SUPT3H: variants seen among roughly 807,000 people sequenced by gnomAD.
SUPT3H encodes transcription initiation protein SPT3 homolog.
In SUPT3H, 44 loss-of-function variants were observed where a neutral mutation model predicts 44.3. The observed-to-expected ratio is 0.99, with a 90% CI of 0.78 to 1.28. The LOEUF (loss-of-function observed/expected upper bound fraction) is 1.28, where lower values mean the gene tolerates loss of function less well. SUPT3H is among the 50% of genes most tolerant of loss of function. SUPT3H has a pLI of 0.00. For missense variants in SUPT3H, 380 were observed against 387.1 expected, an observed-to-expected ratio of 0.98 and a Z score of 0.15; for synonymous variants, 124 against 125.6, an observed-to-expected ratio of 0.99 and a Z score of 0.09.
chr6:44,998,842 G>C (rs1483175712), intron 6 of SUPT3H, among the ~76,000 whole-genome samples: 2 of 151,500 alleles, frequency 1.3e-5, no homozygotes, highest in Non-Finnish European at 2.9e-5. Flanking sequence ...TGAATGTTTG[G>C]TTTATTTTCA....
chr6:44,991,357 C>A (rs553626151), intron 6 of SUPT3H, among the ~76,000 whole-genome samples: 1 of 152,080 alleles, frequency 6.6e-6, no homozygotes, highest in South Asian at 2.1e-4. Context: ...GGAATTAAGA[C>A]TGCTCTCTAG....
At chr6:45,110,917 T>C (rs1488777141) in intron 2 of SUPT3H, among the ~76,000 whole-genome samples, 1 of 152,086 alleles carries the variant, frequency 6.6e-6, no homozygotes, top group African/African-American at 2.4e-5. Context: ...GTAATGTGTG[T>C]ACATATGTGT....
intron 3 of SUPT3H, among the ~76,000 whole-genome samples, chr6:45,038,965 A>C (rs1788103278): frequency 6.6e-6 from 1 of 152,148 alleles, no homozygotes; most frequent in Non-Finnish European, 1.5e-5. Flanking sequence ...ATCATCAGAT[A>C]TTTCCAGGGA....
At chr6:44,839,364 G>A (rs1465049834) in intron 10 of SUPT3H, among the ~76,000 whole-genome samples, 1 of 151,426 alleles carries the variant, frequency 6.6e-6, no homozygotes, top group African/African-American at 2.4e-5. Context: ...AGAGTGATGT[G>A]GTGTGATCAT....
In SUPT3H at chr6:44,828,278, A is replaced by C. The variant is rs1200443426; in HGVS notation, c.*1538T>G. ...AAGAATGATAAAAAGTTTAATCATA[A>C]TCATACATTTTAACAAGCATAGATG... is the stretch of plus-strand genomic sequence containing the variant. On this transcript the variant is annotated 3_prime_UTR_variant, in exon 11 of 11. Transcript: ENST00000371459. Among the ~76,000 whole-genome samples, 28 of 149,006 alleles carry C rather than the reference A, an allele frequency of 1.9e-4. No homozygotes were observed. The highest frequency in any genetic ancestry group is 1.8e-3 in the Admixed American group (27 of 14,922).
At chr6:44,869,329 T>G (rs1364333344) in intron 10 of SUPT3H, among the ~76,000 whole-genome samples, 1 of 152,146 alleles carries the variant, frequency 6.6e-6, no homozygotes, top group Non-Finnish European at 1.5e-5. Flanking sequence ...CCTTGGGAGT[T>G]CATTTCAAGG....
chr6:45,367,600 A>G (rs1227916252), intron 1 of SUPT3H, among the ~76,000 whole-genome samples: 1 of 152,166 alleles, frequency 6.6e-6, no homozygotes, highest in Non-Finnish European at 1.5e-5. Context: ...CCTTGTCTCA[A>G]TAGAAGGCTG....
chr6:45,240,887 C>T (rs1770174724), intron 2 of SUPT3H, among the ~76,000 whole-genome samples: 1 of 152,150 alleles, frequency 6.6e-6, no homozygotes, highest in Non-Finnish European at 1.5e-5. Flanking sequence ...GAAGGACACT[C>T]TACAAACTTG....
chr6:45,056,712 T>C (rs942883551), intron 3 of SUPT3H, among the ~76,000 whole-genome samples: 1 of 151,976 alleles, frequency 6.6e-6, no homozygotes, highest in South Asian at 2.1e-4. Flanking sequence ...AAGGCTGGGA[T>C]GGGGTGAGGG....
intron 6 of SUPT3H, among the ~76,000 whole-genome samples, chr6:44,976,795 G>C (rs776905705): frequency 6.6e-6 from 1 of 152,182 alleles, no homozygotes; most frequent in Non-Finnish European, 1.5e-5. Context: ...CTTTTCTCTT[G>C]AAGAAGGCTT....
At chr6:45,358,775 G>A (rs1240591745) in intron 2 of SUPT3H, among the ~76,000 whole-genome samples, 2 of 152,108 alleles carry the variant, frequency 1.3e-5, no homozygotes, top group African/African-American at 4.8e-5. Context: ...TTTCAGCAGA[G>A]TCTAGAGAAG....
chr6:45,276,917 C>T (rs1030138460), intron 2 of SUPT3H, among the ~76,000 whole-genome samples: 1 of 152,154 alleles, frequency 6.6e-6, no homozygotes, highest in Non-Finnish European at 1.5e-5. Context: ...CTATATACTA[C>T]TTAGGACACT....
At chr6:45,122,354 A>T (rs1801801810) in intron 2 of SUPT3H, among the ~76,000 whole-genome samples, 1 of 152,192 alleles carries the variant, frequency 6.6e-6, no homozygotes, top group Non-Finnish European at 1.5e-5. Context: ...TTAAAATCAC[A>T]CATACTTTAT....
intron 3 of SUPT3H, among the ~76,000 whole-genome samples, chr6:45,053,257 C>T (rs1287732217): frequency 1.3e-5 from 2 of 150,948 alleles, no homozygotes; most frequent in South Asian, 2.1e-4. Context: ...CACAATGTTG[C>T]CCAGGCTGGT....
intron 2 of SUPT3H, among the ~76,000 whole-genome samples, chr6:45,113,698 C>T (rs7743772): frequency 0.075 from 11,400 of 151,920 alleles, 859 homozygotes; most frequent in African/African-American, 0.18. Context: ...GGCATGGTGG[C>T]GCATGCCTGT....
chr6:45,324,404 A>C (rs190890382), intron 2 of SUPT3H, among the ~76,000 whole-genome samples: 72 of 152,198 alleles, frequency 4.7e-4, no homozygotes, highest in African/African-American at 1.6e-3. Context: ...ACATATTAGA[A>C]TATAACAATT....
In SUPT3H at chr6:44,897,305, T is replaced by C. The variant is rs527414249; in HGVS notation, c.912+35348A>G. Among the ~76,000 whole-genome samples the C allele has an allele frequency of 6.0e-4, 91 of 152,362 alleles. 1 individual carries two copies. Among genetic ancestry groups the C allele is most frequent in the African/African-American group, 1.8e-3 (75 of 41,584 alleles). On this transcript the variant is annotated intron_variant, in intron 10 of 10. Coordinates refer to ENST00000371459, the MANE Select transcript of SUPT3H (RefSeq NM_003599.4). Reference sequence around the variant, plus strand: ...AAAATGGATTTTTAAAAATAATGGCTGAATTGCCCTACAGTCCATTAGTCA... The same window carrying C: ...AAAATGGATTTTTAAAAATAATGGCCGAATTGCCCTACAGTCCATTAGTCA...
chr6:44,832,209 A>AACTC (rs1296641919), intron 10 of SUPT3H, among the ~76,000 whole-genome samples: 1 of 152,202 alleles, frequency 6.6e-6, no homozygotes. Flanking sequence ...TGAAGACAAC[A>AACTC]ACTCATCTTC....
chr6:44,919,195 G>C (rs1768264005), intron 10 of SUPT3H, among the ~76,000 whole-genome samples: 1 of 152,184 alleles, frequency 6.6e-6, no homozygotes, highest in East Asian at 1.9e-4. Context: ...CAATGACAGA[G>C]ACGATAGCTT....
Sources: gnomAD v4.1 joint callset for allele counts (sites outside exome capture counted in the v4.1 genomes callset) on GRCh38, gnomAD v4.1.1 for gene constraint, MANE v1.5 for transcripts, NCBI Gene and HGNC (gene_info 2026-07-23, HGNC 2026-07-21) for gene names.